SLC52A3: variants seen among roughly 807,000 people sequenced by gnomAD.
SLC52A3 encodes solute carrier family 52, riboflavin transporter, member 3.
Under a neutral mutation model 29.5 loss-of-function variants are expected in SLC52A3, and 20 were observed. The ratio of observed to expected loss-of-function variants is 0.68; its 90% confidence interval spans 0.48 to 0.99. The LOEUF is 0.99. Ranked by LOEUF, SLC52A3 falls within the 50% of genes least tolerant of loss-of-function variation. SLC52A3 has a pLI of 0.00. For missense variants in SLC52A3, 548 were observed against 612.9 expected, an observed-to-expected ratio of 0.89 and a Z score of 1.12; for synonymous variants, 301 against 271.0, an observed-to-expected ratio of 1.11 and a Z score of -1.09.
At chr20:764,978 C>T (rs929981936) in intron 2 of SLC52A3, among the ~76,000 whole-genome samples, 2 of 152,216 alleles carry the variant, frequency 1.3e-5, no homozygotes, top group African/African-American at 4.8e-5. Flanking sequence ...GCTCAGGATG[C>T]TATAGAAGCT....
intron 1 of SLC52A3, among the ~76,000 whole-genome samples, chr20:774,164 G>A (rs1041589789): frequency 6.6e-6 from 1 of 152,220 alleles, no homozygotes; most frequent in Non-Finnish European, 1.5e-5. Flanking sequence ...TTCTCGCTCT[G>A]CAGGGATAAT....
At chr20:773,599 C>T (rs1986915183) in intron 1 of SLC52A3, among the ~76,000 whole-genome samples, 1 of 152,082 alleles carries the variant, frequency 6.6e-6, no homozygotes, top group African/African-American at 2.4e-5. Context: ...GGGGTACAGG[C>T]TCAGGAGAAG....
At chr20:775,771 A>G (rs185735876) in intron 1 of SLC52A3, among the ~76,000 whole-genome samples, 1 of 152,056 alleles carries the variant, frequency 6.6e-6, no homozygotes, top group Non-Finnish European at 1.5e-5. Flanking sequence ...CTTCCCTCCT[A>G]TCTCTTTGGA....
At chr20:774,188 G>C (rs576125537) in intron 1 of SLC52A3, among the ~76,000 whole-genome samples, 3 of 152,248 alleles carry the variant, frequency 2.0e-5, no homozygotes, top group Non-Finnish European at 4.4e-5. Context: ...CCAGCTGGTA[G>C]GCACCTAGCC....
At chr20:776,801 G>T (rs1432411264), upstream of SLC52A3, among the ~76,000 whole-genome samples, 2 of 151,512 alleles carry the variant, frequency 1.3e-5, no homozygotes, top group East Asian at 3.9e-4. Flanking sequence ...ATTGGTTGGG[G>T]TGGAGATGAA....
chr20:774,040 C>T (rs1296794869), intron 1 of SLC52A3, among the ~76,000 whole-genome samples: 1 of 152,222 alleles, frequency 6.6e-6, no homozygotes, highest in Non-Finnish European at 1.5e-5. Flanking sequence ...GCTGGTCTCT[C>T]CCATTGGAGT....
intron 3 of SLC52A3, 82 bp from the exon 4 acceptor site, chr20:761,906 C>T: frequency 6.3e-7 from 1 of 1,593,320 alleles, no homozygotes; most frequent in Non-Finnish European, 8.6e-7. Context: ...ATGTGGATGG[C>T]CAGTGTCTCC....
At position 763,775 on chromosome 20, in the gene SLC52A3, G is replaced by T; in HGVS notation, c.796C>A (p.Arg266=). The change falls in exon 3 of 5, where the codon CGG becomes AGG. Residue 266 remains arginine (R), a synonymous_variant. Transcript: ENST00000645534. Reference sequence around the variant, plus strand: ...CCCAAGTCATTCTCTTCCCGCGGCCGGATGGAGTGGAGGGTGACCTGGTCA... The same window carrying T: ...CCCAAGTCATTCTCTTCCCGCGGCCTGATGGAGTGGAGGGTGACCTGGTCA... The part of the protein sequence containing the change: ...LNDQVTLHSI[R]PREENDLGPA... 1.2e-6 allele frequency: 2 copies of T among 1,614,162 alleles called. No homozygotes were observed. Among genetic ancestry groups the T allele is most frequent in the Non-Finnish European group, 8.5e-7 (1 of 1,180,010 alleles).
At chr20:774,708 T>C (rs945934594) in intron 1 of SLC52A3, among the ~76,000 whole-genome samples, 9 of 152,180 alleles carry the variant, frequency 5.9e-5, no homozygotes, top group African/African-American at 2.2e-4. Context: ...CACAGCCACA[T>C]GTAGCAGAAG....
chr20:763,409 T>C, intron 3 of SLC52A3, 89 bp downstream of exon 3: 1 of 1,558,390 alleles, frequency 6.4e-7, no homozygotes, highest in Non-Finnish European at 8.8e-7. Context: ...AACCACTACA[T>C]GTACAGCCCA....
chr20:764,008 A>G lies in SLC52A3; in HGVS notation c.568-5T>C. ...CACCAAAGCTCTGGGAACTCCCTGCAAAGGACAAGACAGATCCCTGGTCAG... is the reference window on the plus strand; with the variant it reads ...CACCAAAGCTCTGGGAACTCCCTGCGAAGGACAAGACAGATCCCTGGTCAG... On this transcript the variant is annotated splice_region_variant and splice_polypyrimidine_tract_variant and intron_variant, in intron 2 of 4. Transcript: ENST00000645534. 1 of 1,477,102 alleles carries G rather than the reference A, an allele frequency of 6.8e-7. No individual in the cohort carries two copies. Among genetic ancestry groups the G allele is most frequent in the Non-Finnish European group, 9.1e-7 (1 of 1,099,392 alleles). 91.5% of individuals were successfully genotyped at this position (1,477,102 alleles called of 1,614,324 possible). A position where few individuals can be genotyped will look rare whatever the true frequency, so the allele number is the denominator to read the frequency against.
At chr20:768,013 C>T (rs1986740626) in intron 1 of SLC52A3, among the ~76,000 whole-genome samples, 1 of 152,306 alleles carries the variant, frequency 6.6e-6, no homozygotes, top group Non-Finnish European at 1.5e-5. Flanking sequence ...TGACCCTGGG[C>T]AAGTGGCTTT....
chr20:767,257 T>C (rs913174129), intron 1 of SLC52A3, among the ~76,000 whole-genome samples: 1 of 152,150 alleles, frequency 6.6e-6, no homozygotes, highest in African/African-American at 2.4e-5. Flanking sequence ...CTTTTGGTCA[T>C]AGAAGAGGAG....
At chr20:761,594 G>C in intron 4 of SLC52A3, 107 bp downstream of exon 4, 1 of 1,530,164 alleles carries the variant, frequency 6.5e-7, no homozygotes. Context: ...TCCCGGGAGG[G>C]TCCCACAGAC....
chr20:768,501 G>C (rs2122537052), upstream of SLC52A3: 1 of 152,340 alleles, frequency 6.6e-6, no homozygotes, highest in African/African-American at 2.4e-5. Context: ...AAGCAGGAGT[G>C]TCCGTTGTGG....
chr20:772,852 T>C (rs996416473), upstream of SLC52A3, among the ~76,000 whole-genome samples: 1 of 151,492 alleles, frequency 6.6e-6, no homozygotes, highest in Non-Finnish European at 1.5e-5. Context: ...ATGAAGGGAG[T>C]GTGGGAGTGA....
At chr20:773,031 G>C (rs1412156676), upstream of SLC52A3, among the ~76,000 whole-genome samples, 3 of 152,242 alleles carry the variant, frequency 2.0e-5, no homozygotes, top group African/African-American at 7.2e-5. Flanking sequence ...AGACAGGGCA[G>C]GTCCCCTGTG....
rs745945947 is a variant in SLC52A3, at chr20:765,580, C to T, written c.195G>A (p.Arg65=). Residue 65 remains arginine (R), a synonymous_variant, in exon 2 of 5, where the codon CGG becomes CGA. Transcript: ENST00000645534. The surrounding 1 kb of genome is among the most constrained non-coding windows in gnomAD (Gnocchi z 6.6). ...TGGGCACTTCGGAAAGGCAGCTGGG[C>T]CGGAAGTGATGGAGCAGGGTGACCA... The part of the protein sequence containing the change: ...PLLVTLLHHF[R]PSCLSEVPII... 43 of 1,584,794 alleles carry T rather than the reference C, an allele frequency of 2.7e-5. 1 individual carries two copies. The highest frequency in any genetic ancestry group is 9.2e-5 in the Admixed American group (5 of 54,124).
chr20:767,376 T>A (rs12480298), intron 1 of SLC52A3, among the ~76,000 whole-genome samples: 127,649 of 151,208 alleles, frequency 0.84, 54,868 homozygotes, highest in Non-Finnish European at 0.93. Flanking sequence ...TTTTTTCTTG[T>A]GACAGAGTCT....
Sources: gnomAD v4.1 joint callset for allele counts (sites outside exome capture counted in the v4.1 genomes callset) on GRCh38, gnomAD v4.1.1 for gene constraint, Gnocchi (gnomAD v3.1) non-coding constraint, MANE v1.5 for transcripts, NCBI Gene and HGNC (gene_info 2026-07-23, HGNC 2026-07-21) for gene names.